Variants in SLC8A1 observed in about 807,000 individuals in gnomAD.
The protein encoded by SLC8A1 is solute carrier family 8 member A1.
A neutral mutation model predicts 68.3 loss-of-function variants in SLC8A1; 18 were observed. That is an observed-to-expected ratio of 0.26 (90% CI 0.18 to 0.39). The LOEUF is 0.39. SLC8A1 is among the 10% of genes least tolerant of loss of function. The pLI, the probability that SLC8A1 is intolerant of heterozygous loss-of-function variation, is 1.00. For missense variants in SLC8A1, 985 were observed against 1,156.7 expected (o/e 0.85, Z 2.15); for synonymous variants, 475 against 415.5 (o/e 1.14, Z -1.74).
At chr2:40,111,920 G>C (rs2034580584) in exon 8 of SLC8A1, 1 of 152,096 alleles carries the variant, frequency 6.6e-6, no homozygotes, top group Non-Finnish European at 1.5e-5. Flanking sequence ...CTGGATGCAG[G>C]AAAGGATGTA....
At chr2:40,443,572 A>T (rs144359183) in intron 1 of SLC8A1, among the ~76,000 whole-genome samples, 1 of 152,222 alleles carries the variant, frequency 6.6e-6, no homozygotes, top group South Asian at 2.1e-4. Flanking sequence ...AGTAGCTTCT[A>T]TAATTTATAC....
intron 2 of SLC8A1, among the ~76,000 whole-genome samples, chr2:40,238,593 C>G (rs1019655038): frequency 3.9e-5 from 6 of 152,214 alleles, no homozygotes; most frequent in Admixed American, 1.3e-4. Context: ...GAGCTGTAGA[C>G]CGGAGCTGTT....
At chr2:40,252,479 C>T (rs2062913105) in intron 2 of SLC8A1, among the ~76,000 whole-genome samples, 1 of 152,060 alleles carries the variant, frequency 6.6e-6, no homozygotes, top group South Asian at 2.1e-4. Context: ...ATGACAGGCG[C>T]CCGCCACCAA....
At chr2:40,113,779 A>G (rs1414162207) in exon 8 of SLC8A1, 1 of 152,808 alleles carries the variant, frequency 6.5e-6, no homozygotes, top group Non-Finnish European at 1.5e-5. Context: ...CATCCAACAT[A>G]TCAACGTCTC....
Position 40,182,992 on chromosome 2 carries a change from C to G in SLC8A1, c.1809-5137G>C, listed in dbSNP as rs1573701593. On this transcript the variant is annotated intron_variant, in intron 2 of 7. Coordinates refer to ENST00000406785, the Ensembl canonical transcript of SLC8A1. ...AGTGAGGATTTCACATATTTAGATG[C>G]TTACAGTTGCTTTTTGTCTTTTAAG... 3.3e-5 allele frequency among the ~76,000 whole-genome samples: 5 copies of G among 152,272 alleles called. No homozygotes were observed. In the South Asian group the frequency reaches 1.0e-3, roughly 32 times the overall value.
At chr2:40,109,523 G>C (rs546144477) in exon 8 of SLC8A1, 1 of 152,256 alleles carries the variant, frequency 6.6e-6, no homozygotes, top group Admixed American at 6.5e-5. Flanking sequence ...CTATGTCCTA[G>C]TGACTCTTAT....
chr2:40,476,893 G>C (rs1704325783), intron 1 of SLC8A1, among the ~76,000 whole-genome samples: 1 of 152,100 alleles, frequency 6.6e-6, no homozygotes, highest in South Asian at 2.1e-4. Flanking sequence ...AGTGAGTCTT[G>C]TTCTTTCCTT....
At chr2:40,438,900 G>A (rs1699979710) in intron 1 of SLC8A1, among the ~76,000 whole-genome samples, 1 of 152,134 alleles carries the variant, frequency 6.6e-6, no homozygotes, top group African/African-American at 2.4e-5. Flanking sequence ...TAGAAGCACA[G>A]GAACAGCACA....
intron 2 of SLC8A1, among the ~76,000 whole-genome samples, chr2:40,239,580 C>T (rs574920147): frequency 6.6e-6 from 1 of 152,296 alleles, no homozygotes; most frequent in East Asian, 1.9e-4. Context: ...TCCTCCCATG[C>T]ACAGTCACTG....
intron 2 of SLC8A1, among the ~76,000 whole-genome samples, chr2:40,237,960 G>GT (rs1257197106): frequency 3.3e-5 from 5 of 151,660 alleles, no homozygotes; most frequent in South Asian, 2.1e-4. Context: ...CAGTCTGCCC[G>GT]TTCTCAGATC....
At chr2:40,184,898 C>CAAAAAAAAAAA (rs66662572) in intron 2 of SLC8A1, among the ~76,000 whole-genome samples, 17 of 106,462 alleles carry the variant, frequency 1.6e-4, no homozygotes, top group East Asian at 5.9e-4. Context: ...TAACCAAAAA[C>CAAAAAAAAAAA]AAAAAAAAAA....
At position 40,183,840 on chromosome 2, in the gene SLC8A1, G is replaced by A. The variant is rs546209320; in HGVS notation, c.1809-5985C>T. The stretch of plus-strand genomic sequence containing the variant: ...ATCAGTTAAATCAAATTCTGCTTGT[G>A]GGAGCCCAGCATGAATATATTTAAA... On this transcript the variant is annotated intron_variant, in intron 2 of 7. Coordinates refer to ENST00000406785, the Ensembl canonical transcript of SLC8A1. 3.3e-5 allele frequency among the ~76,000 whole-genome samples: 5 copies of A among 152,234 alleles called. No homozygotes were observed. The South Asian group carries it at 1.0e-3, about 32-fold the overall frequency.
At chr2:40,442,999 T>C (rs1006784600) in intron 1 of SLC8A1, among the ~76,000 whole-genome samples, 12 of 149,984 alleles carry the variant, frequency 8.0e-5, no homozygotes, top group Non-Finnish European at 1.6e-4. Flanking sequence ...CAAACTAACA[T>C]AGGAACAGAA....
chr2:40,177,686 GAGT>G (rs2048722669), intron 3 of SLC8A1: 1 of 951,272 alleles, frequency 1.1e-6, no homozygotes, highest in Admixed American at 2.0e-5. Flanking sequence ...TTAAGTGTGA[GAGT>G]AGGGAGACAC....
At chr2:40,417,653 C>T (rs1694273461) in intron 2 of SLC8A1, among the ~76,000 whole-genome samples, 1 of 152,104 alleles carries the variant, frequency 6.6e-6, no homozygotes, top group Non-Finnish European at 1.5e-5. Context: ...AGACCACAGG[C>T]TTAAGCCACA....
rs1397208532 is a variant in SLC8A1, at chr2:40,318,328, A to G, written c.1808+110145T>C. On this transcript the variant is annotated intron_variant, in intron 2 of 7. Transcript: ENST00000406785. The stretch of plus-strand genomic sequence containing the variant: ...GAGGCTGGGCATCTGTCTTTTAAAA[A>G]CCTCATTCCAGGATATTGTTCTACT... 6.6e-5 allele frequency among the ~76,000 whole-genome samples: 10 copies of G among 151,684 alleles called. 1 individual carries two copies. Among genetic ancestry groups the G allele is most frequent in the Admixed American group, 6.6e-5 (1 of 15,190 alleles).
chr2:40,427,039 C>T (rs1047851945), intron 2 of SLC8A1, among the ~76,000 whole-genome samples: 1 of 151,964 alleles, frequency 6.6e-6, no homozygotes, highest in Non-Finnish European at 1.5e-5. Context: ...AAACACATCT[C>T]AATAAGTGTA....
At chr2:40,183,126 C>T (rs765004345) in intron 2 of SLC8A1, among the ~76,000 whole-genome samples, 24 of 152,158 alleles carry the variant, frequency 1.6e-4, no homozygotes, top group Non-Finnish European at 4.4e-5. Flanking sequence ...CTACTACCTG[C>T]GATTGACAGG....
chr2:40,359,945 A>C (rs76598323), intron 2 of SLC8A1, among the ~76,000 whole-genome samples: 1 of 151,780 alleles, frequency 6.6e-6, no homozygotes, highest in Admixed American at 6.6e-5. Flanking sequence ...AAAAAAAAAA[A>C]AACAGATACA....
Sources: allele counts gnomAD v4.1 joint callset (sites outside exome capture counted in the v4.1 genomes callset), GRCh38; gene constraint gnomAD v4.1.1; transcripts MANE v1.5; gene names NCBI Gene and HGNC (gene_info 2026-07-23, HGNC 2026-07-21).